Variants in ENPP1 observed in about 807,000 individuals in gnomAD.
The protein encoded by ENPP1 is ectonucleotide pyrophosphatase/phosphodiesterase family member 1.
A neutral mutation model predicts 122.8 loss-of-function variants in ENPP1; 73 were observed. That is an observed-to-expected ratio of 0.59 (90% confidence interval 0.49 to 0.72). The LOEUF (loss-of-function observed/expected upper bound fraction) is 0.72, where lower values mean the gene tolerates loss of function less well. Among genes scored for constraint, ENPP1 ranks in the 30% least tolerant of loss-of-function variants. ENPP1 has a pLI of 0.00. For synonymous variants in ENPP1, 367 were observed against 391.6 expected (o/e 0.94, Z 0.74); for missense variants, 978 against 1,128.1 (o/e 0.87, Z 1.91).
At chr6:131,861,555 T>C (rs1169539280) in intron 8 of ENPP1, 40 bp from the exon 9 acceptor site, 2 of 1,239,060 alleles carry the variant, frequency 1.6e-6, no homozygotes, top group Non-Finnish European at 2.4e-6. Context: ...GAGATGAATG[T>C]TTGCATGATT....
At chr6:131,825,947 A>G (rs1190838817) in intron 1 of ENPP1, 3 of 495,426 alleles carry the variant, frequency 6.1e-6, no homozygotes, top group Non-Finnish European at 7.4e-6. Context: ...CATACTTTCA[A>G]AAATGATTTT....
intron 24 of ENPP1, among the ~76,000 whole-genome samples, chr6:131,889,927 T>G (rs1014551763): frequency 2.6e-5 from 4 of 151,426 alleles, no homozygotes; most frequent in Non-Finnish European, 5.9e-5. Context: ...AGCATTCCTT[T>G]TTCTCCACAA....
At chr6:131,835,431 A>T (rs989285573) in intron 1 of ENPP1, among the ~76,000 whole-genome samples, 5 of 152,232 alleles carry the variant, frequency 3.3e-5, no homozygotes, top group Non-Finnish European at 5.9e-5. Flanking sequence ...GGCGTACTAA[A>T]ATATCTTTTT....
At chr6:131,850,675 C>T (rs991274699) in intron 3 of ENPP1, among the ~76,000 whole-genome samples, 4 of 152,124 alleles carry the variant, frequency 2.6e-5, no homozygotes, top group Admixed American at 2.0e-4. Flanking sequence ...CTCAAGAGAT[C>T]CTCCTGCCTC....
At chr6:131,811,136 TTTCTTGG>T (rs771175364) in intron 1 of ENPP1, among the ~76,000 whole-genome samples, 29 of 152,096 alleles carry the variant, frequency 1.9e-4, no homozygotes, top group Non-Finnish European at 3.5e-4. Context: ...ATCCTTCTTG[TTTCTTGG>T]TGTGATTTTA....
At chr6:131,816,012 C>T (rs565832432) in intron 1 of ENPP1, among the ~76,000 whole-genome samples, 12 of 149,026 alleles carry the variant, frequency 8.1e-5, no homozygotes, top group Non-Finnish European at 1.5e-4. Context: ...TGAGCCACCA[C>T]GCCCGGCTGT....
At chr6:131,856,453 G>A (rs1319336141) in intron 6 of ENPP1, among the ~76,000 whole-genome samples, 1 of 147,552 alleles carries the variant, frequency 6.8e-6, no homozygotes, top group East Asian at 1.9e-4. Context: ...TGTTCACTCT[G>A]ATGGTAGTTT....
At chr6:131,829,028 C>G (rs1585798611) in intron 1 of ENPP1, among the ~76,000 whole-genome samples, 2 of 152,254 alleles carry the variant, frequency 1.3e-5, no homozygotes, top group East Asian at 3.8e-4. Context: ...AGAAACTTAA[C>G]TGCACATTAT....
chr6:131,824,753 C>T (rs559668424), intron 1 of ENPP1, among the ~76,000 whole-genome samples: 217 of 152,134 alleles, frequency 1.4e-3, no homozygotes, highest in African/African-American at 4.9e-3. Flanking sequence ...CGTGCCCAGC[C>T]GGTTTTTGTT....
intron 1 of ENPP1, among the ~76,000 whole-genome samples, chr6:131,832,795 G>A (rs577160834): frequency 6.6e-5 from 10 of 152,274 alleles, no homozygotes; most frequent in Non-Finnish European, 1.5e-4. Context: ...CTCTGTGCAC[G>A]GAATGGTTGG....
At chr6:131,885,188 T>G in intron 23 of ENPP1, 125 bp downstream of exon 23, 2 of 827,358 alleles carry the variant, frequency 2.4e-6, no homozygotes, top group Non-Finnish European at 4.0e-6. Context: ...ATGACACTTC[T>G]GACTACACAG....
rs114183093 is a variant in ENPP1 at position 131,888,878 on chromosome 6, C to T, written c.2608-1463C>T. Among the ~76,000 whole-genome samples the T allele has an allele frequency of 6.6e-3, 1,007 of 152,276 alleles. 11 individuals are homozygous for T. Among genetic ancestry groups the T allele is most frequent in the African/African-American group, 0.022 (902 of 41,548 alleles). On this transcript the variant is annotated intron_variant, in intron 24 of 24. Coordinates refer to ENST00000647893, the MANE Select transcript of ENPP1 (RefSeq NM_006208.3). Reference sequence around the variant, plus strand: ...AATAACAGAAACCCCTTTGCAGTGGCTTAAGCAAGTCAGGGATTCCTCATG... The same window carrying T: ...AATAACAGAAACCCCTTTGCAGTGGTTTAAGCAAGTCAGGGATTCCTCATG...
intron 1 of ENPP1, among the ~76,000 whole-genome samples, chr6:131,837,331 T>A (rs1055164104): frequency 4.6e-5 from 7 of 151,564 alleles, no homozygotes; most frequent in Admixed American, 4.6e-4. Flanking sequence ...TTTGAGACCA[T>A]CCTGGCCAAC....
chr6:131,809,358 A>G (rs932982849), intron 1 of ENPP1, among the ~76,000 whole-genome samples: 2 of 152,134 alleles, frequency 1.3e-5, no homozygotes, highest in African/African-American at 4.8e-5. Context: ...TATATTTGGG[A>G]CATCATGGAG....
intron 1 of ENPP1, among the ~76,000 whole-genome samples, chr6:131,841,168 T>C (rs1227793015): frequency 6.6e-6 from 1 of 152,238 alleles, no homozygotes; most frequent in Non-Finnish European, 1.5e-5. Context: ...GCTTTTGTAA[T>C]GCTCCAAAGT....
chr6:131,855,407 C>T (rs985712699), intron 6 of ENPP1, among the ~76,000 whole-genome samples: 19 of 152,102 alleles, frequency 1.2e-4, no homozygotes, highest in Admixed American at 5.2e-4. Context: ...CTCACTGCAA[C>T]CTCTGCCTCC....
At chr6:131,835,579 T>G (rs1452705999) in intron 1 of ENPP1, among the ~76,000 whole-genome samples, 1 of 152,210 alleles carries the variant, frequency 6.6e-6, no homozygotes, top group Admixed American at 6.5e-5. Context: ...CAACTTCTAT[T>G]TTAAATTCAG....
chr6:131,812,138 T>C (rs1394704843), intron 1 of ENPP1, among the ~76,000 whole-genome samples: 1 of 152,204 alleles, frequency 6.6e-6, no homozygotes, highest in Non-Finnish European at 1.5e-5. Context: ...AGTTTTTTGT[T>C]ATAGAATTTT....
At chr6:131,859,749 A>T (rs1781993674) in intron 7 of ENPP1, among the ~76,000 whole-genome samples, 2 of 152,296 alleles carry the variant, frequency 1.3e-5, no homozygotes, top group Middle Eastern at 6.8e-3. Context: ...GATAGCGAGT[A>T]GAGGGCGGTG....
Sources: allele counts gnomAD v4.1 joint callset (sites outside exome capture counted in the v4.1 genomes callset), GRCh38; gene constraint gnomAD v4.1.1; transcripts MANE v1.5; gene names NCBI Gene and HGNC (gene_info 2026-07-23, HGNC 2026-07-21).